The following DACH1 variants were observed in gnomAD, a reference collection of about 807,000 sequenced individuals.
The protein encoded by DACH1 is dachshund family transcription factor 1, also known as dachshund homolog 1.
DACH1 carries 12 observed loss-of-function variants against 54.2 expected under a neutral mutation model. That is an observed-to-expected ratio of 0.22 (90% CI 0.14 to 0.36). DACH1 has a LOEUF of 0.36. Ranked by LOEUF, DACH1 falls within the 10% of genes least tolerant of loss-of-function variation. The probability of loss-of-function intolerance (pLI) is 1.00; values close to 1 mark genes in which losing one functional copy is unlikely to be tolerated. For missense variants in DACH1, 805 were observed against 929.8 expected, an observed-to-expected ratio of 0.87 and a Z score of 1.75; for synonymous variants, 386 against 366.2, an observed-to-expected ratio of 1.05 and a Z score of -0.62.
chr13:71,493,941 A>G (rs1419368379), intron 6 of DACH1, among the ~76,000 whole-genome samples: 1 of 152,182 alleles, frequency 6.6e-6, no homozygotes, highest in Non-Finnish European at 1.5e-5. Flanking sequence ...ACTTAGGTTT[A>G]CAAGCTCCAC....
chr13:71,755,408 G>GTA (rs1885102115), intron 1 of DACH1, among the ~76,000 whole-genome samples: 1 of 152,122 alleles, frequency 6.6e-6, no homozygotes, highest in Non-Finnish European at 1.5e-5. Context: ...ACATCAGTGG[G>GTA]CCAGACGAAA....
In DACH1 at chr13:71,779,706, C is replaced by T. The variant is rs1459370429; in HGVS notation, c.848+86216G>A. Among the ~76,000 whole-genome samples, 9 of 152,036 alleles carry T rather than the reference C, an allele frequency of 5.9e-5. No homozygotes were observed. In the South Asian group the frequency reaches 1.2e-3, roughly 21 times the overall value. ...AGATACTTGCTACCTCTCCACCTCT[C>T]CTTTCCCCTCTATTCCCAGATCTCT... On this transcript the variant is annotated intron_variant, in intron 1 of 10. Transcript: ENST00000613252.
intron 2 of DACH1, among the ~76,000 whole-genome samples, chr13:71,636,226 T>TTTGCATAAAAACACA (rs1307667791): frequency 6.6e-6 from 1 of 152,096 alleles, no homozygotes; most frequent in African/African-American, 2.4e-5. Flanking sequence ...AATCTGTGGT[T>TTTGCATAAAAACACA]TTGCATAAAA....
At chr13:71,610,941 G>A (rs992460273) in intron 3 of DACH1, among the ~76,000 whole-genome samples, 2 of 152,114 alleles carry the variant, frequency 1.3e-5, no homozygotes, top group African/African-American at 4.8e-5. Flanking sequence ...TAAAATAGGA[G>A]AGCAATCTAA....
At position 71,772,705 on chromosome 13, in the gene DACH1, A is replaced by G. The variant is rs562200859; in HGVS notation, c.849-90795T>C. Among the ~76,000 whole-genome samples, 56 of 151,888 alleles carry G rather than the reference A, an allele frequency of 3.7e-4. No individual in the cohort carries two copies. In the Middle Eastern group the frequency reaches 0.024, roughly 65 times the overall value. Reference sequence around the variant, plus strand: ...CATCTCTTAAACACACCTTCATCATAAAAACTCTAAAGTTACAATATTCCT... The same window carrying G: ...CATCTCTTAAACACACCTTCATCATGAAAACTCTAAAGTTACAATATTCCT... On this transcript the variant is annotated intron_variant, in intron 1 of 10. Coordinates refer to ENST00000613252, the MANE Select transcript of DACH1 (RefSeq NM_080759.6).
At chr13:71,615,268 C>A (rs1875675299) in intron 3 of DACH1, among the ~76,000 whole-genome samples, 1 of 151,994 alleles carries the variant, frequency 6.6e-6, no homozygotes, top group Non-Finnish European at 1.5e-5. Context: ...TAATTTAAAC[C>A]ATTTTTAGGC....
At chr13:71,496,937 A>G (rs1287561266) in intron 6 of DACH1, among the ~76,000 whole-genome samples, 1 of 152,160 alleles carries the variant, frequency 6.6e-6, no homozygotes, top group African/African-American at 2.4e-5. Context: ...TACTCCAGAA[A>G]TTTTTATAAA....
intron 6 of DACH1, among the ~76,000 whole-genome samples, chr13:71,529,183 G>GTTTTTTTTTTGTTTGTTTGTTT: frequency 1.2e-5 from 1 of 80,980 alleles, no homozygotes; most frequent in African/African-American, 4.4e-5. Flanking sequence ...TGTGATTTGG[G>GTTTTTTTTTTGTTTGTTTGTTT]TTTTTTTTTT....
intron 2 of DACH1, among the ~76,000 whole-genome samples, chr13:71,654,575 A>C (rs780784553): frequency 5.3e-5 from 8 of 151,926 alleles, no homozygotes; most frequent in Non-Finnish European, 1.0e-4. Flanking sequence ...TCCAAAATTT[A>C]CACTCTTAAC....
intron 10 of DACH1, among the ~76,000 whole-genome samples, chr13:71,441,747 T>C (rs538001388): frequency 1.3e-5 from 2 of 152,214 alleles, no homozygotes; most frequent in Non-Finnish European, 2.9e-5. Context: ...CAACTACTTT[T>C]ATACAATCTA....
chr13:71,666,548 C>A (rs1188312407), intron 2 of DACH1, among the ~76,000 whole-genome samples: 1 of 151,960 alleles, frequency 6.6e-6, no homozygotes, highest in Non-Finnish European at 1.5e-5. Flanking sequence ...TAAACTTATG[C>A]ATTTTATTGG....
chr13:71,546,625 C>T (rs1441239670), intron 6 of DACH1, among the ~76,000 whole-genome samples: 2 of 151,790 alleles, frequency 1.3e-5, no homozygotes, highest in Non-Finnish European at 2.9e-5. Context: ...CATTTCTATA[C>T]ACAATATATT....
At chr13:71,520,015 T>C (rs955779699) in intron 6 of DACH1, among the ~76,000 whole-genome samples, 5 of 149,980 alleles carry the variant, frequency 3.3e-5, no homozygotes, top group African/African-American at 1.2e-4. Flanking sequence ...TGCCATTGCT[T>C]ATATTTTCTA....
At chr13:71,676,131 A>G (rs1161256079) in intron 2 of DACH1, among the ~76,000 whole-genome samples, 1 of 151,784 alleles carries the variant, frequency 6.6e-6, no homozygotes, top group Admixed American at 6.5e-5. Context: ...GCTGTTTTAT[A>G]CTTGTGCATT....
intron 1 of DACH1, among the ~76,000 whole-genome samples, chr13:71,754,209 C>T (rs543793775): frequency 1.3e-5 from 2 of 152,268 alleles, no homozygotes; most frequent in South Asian, 4.1e-4. Flanking sequence ...ACAGCTGGCT[C>T]ACCTGGTTAG....
At position 71,630,681 on chromosome 13, in the gene DACH1, G is replaced by A; in HGVS notation, c.1001C>T (p.Thr334Ile). 6.2e-7 allele frequency: 1 copy of A among 1,603,966 alleles called. No individual in the cohort carries two copies. Among genetic ancestry groups the A allele is most frequent in the Non-Finnish European group, 8.5e-7 (1 of 1,177,214 alleles). ...TAAAAAAAAA[T>I]NAAIAEAMKV... ...CATTGCTTCAGCAATAGCTGCATTG[G>A]TAGCAGCAGCAGCTGCTGCAGCGGC... Residue 334 changes from threonine (T) to isoleucine (I), a missense_variant, in exon 3 of 11, where the codon ACC becomes ATC. Around this residue, in one of 3 missense-constraint regions of DACH1, gnomAD observed 472 missense variants for 545.3 expected, o/e 0.87. Coordinates refer to ENST00000613252, the MANE Select transcript of DACH1 (RefSeq NM_080759.6).
chr13:71,691,111 G>A (rs190918606), intron 1 of DACH1, among the ~76,000 whole-genome samples: 44 of 152,144 alleles, frequency 2.9e-4, no homozygotes, highest in African/African-American at 1.0e-3. Flanking sequence ...TGGCATATGC[G>A]AAGAACCTGT....
intron 6 of DACH1, among the ~76,000 whole-genome samples, chr13:71,507,387 A>G (rs1880422224): frequency 6.6e-6 from 1 of 152,186 alleles, no homozygotes; most frequent in Non-Finnish European, 1.5e-5. Flanking sequence ...AAATCTCATG[A>G]TACTTTTAAG....
intron 10 of DACH1, among the ~76,000 whole-genome samples, chr13:71,457,692 GT>G (rs1230111977): frequency 6.6e-6 from 1 of 151,846 alleles, no homozygotes; most frequent in African/African-American, 2.4e-5. Flanking sequence ...TCTTTTCTTT[GT>G]GGAAGGATGA....
Sources: gnomAD v4.1 joint callset for allele counts (sites outside exome capture counted in the v4.1 genomes callset) on GRCh38, gnomAD v4.1.1 for gene constraint, gnomAD v4.1.1 regional missense constraint, MANE v1.5 for transcripts, NCBI Gene and HGNC (gene_info 2026-07-23, HGNC 2026-07-21) for gene names.